MDN1: variants seen among roughly 807,000 people sequenced by gnomAD.
MDN1 encodes the protein midasin AAA ATPase 1.
MDN1 carries 266 observed loss-of-function variants against 669.2 expected under a neutral mutation model. That is an observed-to-expected ratio of 0.40 (90% confidence interval 0.36 to 0.44). The LOEUF is 0.44. MDN1 is among the 20% of genes least tolerant of loss of function. MDN1 has a pLI of 1.00. For missense variants in MDN1, 5,940 were observed against 6,754.0 expected (o/e 0.88, Z 4.22); for synonymous variants, 2,385 against 2,457.1 (o/e 0.97, Z 0.87).
intron 32 of MDN1, 145 bp from the exon 33 acceptor site, chr6:89,738,600 T>C (rs1816125942): frequency 1.1e-5 from 9 of 854,058 alleles, no homozygotes; most frequent in South Asian, 7.2e-5. Flanking sequence ...ATATAATTAA[T>C]TGAAGATGTA....
chr6:89,715,885 T>A lies in MDN1; in HGVS notation c.6744-116A>T, dbSNP rs934029900. 4 of 733,996 alleles carry A rather than the reference T, an allele frequency of 5.4e-6. No homozygotes were observed. In the African/African-American group the frequency reaches 6.9e-5, roughly 13 times the overall value. The allele number at this position is 733,996 out of a possible 1,614,324, so 45.5% of individuals were successfully genotyped here. A position where few individuals can be genotyped will look rare whatever the true frequency, so the allele number is the denominator to read the frequency against. On this transcript the variant is annotated intron_variant, in intron 44 of 101. Transcript: ENST00000369393. ...TCACATTTCCTTTCGGCACAATCAT[T>A]CACCCAGATACAACAGTGATCTCTT...
chr6:89,803,899 T>TTTTTG (rs1767842579), intron 1 of MDN1, among the ~76,000 whole-genome samples: 1 of 89,682 alleles, frequency 1.1e-5, no homozygotes, highest in African/African-American at 4.8e-5. Flanking sequence ...TCTTTTCTTT[T>TTTTTG]TTTTTTTTTT....
chr6:89,681,070 C>T (rs1289818960), intron 73 of MDN1, among the ~76,000 whole-genome samples: 2 of 152,208 alleles, frequency 1.3e-5, no homozygotes, highest in African/African-American at 2.4e-5. Flanking sequence ...CCTTAAGGTG[C>T]TGAGCCACAT....
chr6:89,789,782 C>T lies in MDN1; in HGVS notation c.1228G>A (p.Val410Met), dbSNP rs148518977. The part of the protein sequence containing the change: ...LEDIDYAPLD[V>M]VSVLIPLLEN... Reference sequence around the variant, plus strand: ...ATGAATTTCCTGAGATGACATACCACGTCTAAGGGGGCATAGTCAATATCC... The same window carrying T: ...ATGAATTTCCTGAGATGACATACCATGTCTAAGGGGGCATAGTCAATATCC... The change falls in exon 7 of 102, where the codon GTG (valine) becomes ATG (methionine). Residue 410 changes from valine to methionine, a missense_variant and splice_region_variant. Coordinates refer to ENST00000369393, the MANE Select transcript of MDN1 (RefSeq NM_014611.3). 2.7e-5 allele frequency: 44 copies of T among 1,603,480 alleles called. No individual in the cohort carries two copies. In the African/African-American group the frequency reaches 4.2e-4, roughly 15 times the overall value.
chr6:89,745,134 T>TAAAAAAAAAAAAAAAAAA (rs60588845), intron 29 of MDN1, 139 bp downstream of exon 29: 24 of 282,988 alleles, frequency 8.5e-5, no homozygotes, highest in East Asian at 5.2e-4. Context: ...AGTCTCTTCT[T>TAAAAAAAAAAAAAAAAAA]AAAAAAAAAA....
At position 89,770,162 on chromosome 6, in the gene MDN1, T is replaced by C. The variant is rs185449439; in HGVS notation, c.2144+1399A>G. 2.0e-3 allele frequency among the ~76,000 whole-genome samples: 311 copies of C among 151,878 alleles called. 2 individuals are homozygous for C. Among genetic ancestry groups the C allele is most frequent in the Admixed American group, 0.019 (290 of 15,238 alleles). On this transcript the variant is annotated intron_variant, in intron 15 of 101. Coordinates refer to ENST00000369393, the MANE Select transcript of MDN1 (RefSeq NM_014611.3). ...GGCTCACACCTGTAATCCCAGCAAT[T>C]TGGGAGGCCGAGGTAGGTGGATCAC...
intron 92 of MDN1, 136 bp from the exon 93 acceptor site, chr6:89,654,470 G>T: frequency 8.8e-7 from 1 of 1,133,284 alleles, no homozygotes; most frequent in African/African-American, 1.5e-5. Context: ...CCAGCTATGT[G>T]GCTTGGAGAC....
At chr6:89,798,070 T>C (rs1819700960) in intron 2 of MDN1, among the ~76,000 whole-genome samples, 1 of 150,100 alleles carries the variant, frequency 6.7e-6, no homozygotes, top group South Asian at 2.1e-4. Flanking sequence ...TAGTCCCAGC[T>C]ACTCAGGAGG....
In MDN1 at chr6:89,643,946, G is replaced by T; in HGVS notation, c.*59C>A. On this transcript the variant is annotated 3_prime_UTR_variant, in exon 102 of 102. Coordinates refer to ENST00000369393, the MANE Select transcript of MDN1 (RefSeq NM_014611.3). ...GTAGTTGTCCAAAAGGGAGCACCTG[G>T]GTAAGCAATGTGACCTTCTGACCAC... The T allele has an allele frequency of 7.2e-7, 1 of 1,395,310 alleles. No homozygotes were observed. The highest frequency in any genetic ancestry group is 2.5e-5 in the Admixed American group (1 of 40,530). The allele number at this position is 1,395,310 out of a possible 1,614,324, so 86.4% of individuals were successfully genotyped here.
Position 89,644,178 on chromosome 6 carries a change from T to A in MDN1, c.16618A>T (p.Ile5540Phe), listed in dbSNP as rs1808329372. ...GGTCCTTTAAATATCGGTACTTTAATGTCCAAGATAGAATCCTGTCAACAA... is the reference window on the plus strand; with the variant it reads ...GGTCCTTTAAATATCGGTACTTTAAAGTCCAAGATAGAATCCTGTCAACAA... ...NPSSRDSILD[I>F]KVPIFKGPGE... The change falls in exon 102 of 102, where the codon ATT (isoleucine) becomes TTT (phenylalanine). Residue 5540 changes from isoleucine to phenylalanine, a missense_variant. By Grantham distance (21) the Ile-to-Phe change is conservative (BLOSUM62 0). Around this residue, in one of 5 missense-constraint regions of MDN1, gnomAD observed 2,280 missense variants for 2,576.3 expected, o/e 0.88. Transcript: ENST00000369393. 4 of 1,611,138 alleles carry A rather than the reference T, an allele frequency of 2.5e-6. No homozygotes were observed. The Admixed American group carries it at 6.7e-5, about 27-fold the overall frequency.
intron 12 of MDN1, among the ~76,000 whole-genome samples, chr6:89,776,199 T>G (rs576694447): frequency 6.2e-4 from 94 of 152,240 alleles, no homozygotes; most frequent in African/African-American, 2.2e-3. Context: ...CAGTGGCTCA[T>G]GCTTGTTATC....
intron 61 of MDN1, 152 bp from the exon 62 acceptor site, chr6:89,694,335 C>T (rs1260343770): frequency 2.5e-5 from 16 of 639,856 alleles, no homozygotes; most frequent in Admixed American, 5.4e-5. Flanking sequence ...TTAATCTACA[C>T]CACTCACATC....
At chr6:89,743,523 C>A in intron 30 of MDN1, 53 bp downstream of exon 30, 1 of 1,582,402 alleles carries the variant, frequency 6.3e-7, no homozygotes, top group Non-Finnish European at 8.6e-7. Flanking sequence ...CTAACTCATG[C>A]ACAGCTAACT....
Position 89,716,773 on chromosome 6 carries a change from C to G in MDN1, c.6620G>C (p.Gly2207Ala). ...AKLVEEFRSF[G>A]VKLTQLASGH... ...ACTGGCCAACTGCGTAAGCTTCACA[C>G]CAAAGCTTCGGAACTCTTCAACAAG... Residue 2207 changes from glycine (G) to alanine (A), a missense_variant, in exon 44 of 102, where the codon GGT becomes GCT. Physicochemically the swap from Gly to Ala is moderately conservative, Grantham distance 60. Around this residue, in one of 5 missense-constraint regions of MDN1, gnomAD observed 2,292 missense variants for 2,638.3 expected, o/e 0.87. Transcript: ENST00000369393. The G allele has an allele frequency of 6.2e-7, 1 of 1,612,864 alleles. No individual in the cohort carries two copies. Among genetic ancestry groups the G allele is most frequent in the Non-Finnish European group, 8.5e-7 (1 of 1,179,594 alleles).
rs1814586309 is a variant in MDN1, at chr6:89,718,578, G to C, written c.6371C>G (p.Thr2124Ser). 6.2e-7 allele frequency: 1 copy of C among 1,613,974 alleles called. No individual in the cohort carries two copies. Among genetic ancestry groups the C allele is most frequent in the African/African-American group, 1.3e-5 (1 of 74,916 alleles). ...WRRLLEKVEGTVRALLRDSLL... is the reference protein window; with the variant it reads ...WRRLLEKVEGSVRALLRDSLL... Reference sequence around the variant, plus strand: ...GCTATCCCTTAACAGTGCCCTTACAGTTCCCTCCACCTTCTCTAGCAGCCT... The same window carrying C: ...GCTATCCCTTAACAGTGCCCTTACACTTCCCTCCACCTTCTCTAGCAGCCT... Residue 2124 changes from threonine to serine, a missense_variant, in exon 43 of 102, where the codon ACT (threonine) becomes AGT (serine). Thr to Ser is a moderately conservative substitution (Grantham distance 58). Transcript: ENST00000369393.
At chr6:89,726,029 AAAGTT>A (rs1434676616) in intron 37 of MDN1, among the ~76,000 whole-genome samples, 1 of 152,152 alleles carries the variant, frequency 6.6e-6, no homozygotes, top group Non-Finnish European at 1.5e-5. Flanking sequence ...ATTAAATTTT[AAAGTT>A]AAGAATCTTC....
chr6:89,678,598 C>A lies in MDN1; in HGVS notation c.12412+1G>T. 6.2e-7 allele frequency: 1 copy of A among 1,613,412 alleles called. No individual in the cohort carries two copies. Among genetic ancestry groups the A allele is most frequent in the Non-Finnish European group, 8.5e-7 (1 of 1,179,758 alleles). On this transcript the variant is annotated splice_donor_variant, in intron 75 of 101. Coordinates refer to ENST00000369393, the MANE Select transcript of MDN1 (RefSeq NM_014611.3). LOFTEE classifies it high-confidence loss of function. ...CATTGGGTTTCAAGTGAGAACCTTACCAATTTTTGCAAGGTGTTTAAAGAG... is the reference window on the plus strand; with the variant it reads ...CATTGGGTTTCAAGTGAGAACCTTAACAATTTTTGCAAGGTGTTTAAAGAG...
chr6:89,780,713 C>T (rs772199232), intron 10 of MDN1, among the ~76,000 whole-genome samples: 9 of 146,552 alleles, frequency 6.1e-5, no homozygotes, highest in South Asian at 2.2e-4. Flanking sequence ...TGCGTGATCT[C>T]GGCTCACTGC....
At chr6:89,743,737 TAACA>T (rs1209843245) in intron 29 of MDN1, 23 bp from the exon 30 acceptor site, 2 of 1,608,466 alleles carry the variant, frequency 1.2e-6, no homozygotes. Context: ...TGCAACTGAT[TAACA>T]AGGCATGTGT....
Sources: allele counts gnomAD v4.1 joint callset (sites outside exome capture counted in the v4.1 genomes callset), GRCh38; gene constraint gnomAD v4.1.1; regional missense constraint gnomAD v4.1.1; transcripts MANE v1.5; gene names NCBI Gene and HGNC (gene_info 2026-07-23, HGNC 2026-07-21).